The following HIPK3 variants were observed in gnomAD, a reference collection of about 807,000 sequenced individuals.
HIPK3 encodes the protein homeodomain interacting protein kinase 3.
HIPK3 carries 47 observed loss-of-function variants against 124.2 expected under a neutral mutation model. That is an observed-to-expected ratio of 0.38 (90% CI 0.30 to 0.48). HIPK3 has a LOEUF of 0.48. Among genes scored for constraint, HIPK3 ranks in the 20% least tolerant of loss-of-function variants. The pLI, the probability that HIPK3 is intolerant of heterozygous loss-of-function variation, is 0.98. For synonymous variants in HIPK3, 482 were observed against 515.2 expected (o/e 0.94, Z 0.87); for missense variants, 1,286 against 1,454.3 (o/e 0.88, Z 1.88).
intron 2 of HIPK3, among the ~76,000 whole-genome samples, chr11:33,325,141 A>C (rs1852773586): frequency 1.3e-5 from 2 of 152,236 alleles, no homozygotes; most frequent in African/African-American, 4.8e-5. Context: ...TGTCACCATC[A>C]GTTAGAAACT....
At chr11:33,329,769 A>T (rs1026351571) in intron 3 of HIPK3, among the ~76,000 whole-genome samples, 1 of 152,210 alleles carries the variant, frequency 6.6e-6, no homozygotes, top group South Asian at 2.1e-4. Flanking sequence ...TTTGATACAG[A>T]TGCAAGACTA....
At chr11:33,320,097 A>G (rs1051249796) in intron 2 of HIPK3, among the ~76,000 whole-genome samples, 4 of 152,236 alleles carry the variant, frequency 2.6e-5, no homozygotes, top group Non-Finnish European at 4.4e-5. Flanking sequence ...GGTTTGAAAC[A>G]GTAAGGAGAC....
intron 14 of HIPK3, among the ~76,000 whole-genome samples, chr11:33,350,875 G>C (rs1264236737): frequency 1.3e-5 from 2 of 151,874 alleles, no homozygotes; most frequent in South Asian, 4.1e-4. Flanking sequence ...CTTATAATAT[G>C]GTTTGAAAAT....
At chr11:33,261,575 C>T (rs916258951) in intron 1 of HIPK3, among the ~76,000 whole-genome samples, 1 of 152,134 alleles carries the variant, frequency 6.6e-6, no homozygotes, top group Non-Finnish European at 1.5e-5. Flanking sequence ...CATAGTATTC[C>T]ATGGTACATA....
intron 2 of HIPK3, among the ~76,000 whole-genome samples, chr11:33,327,463 A>G (rs545286938): frequency 3.9e-5 from 6 of 152,342 alleles, no homozygotes; most frequent in African/African-American, 1.4e-4. Context: ...ACTAGATGCA[A>G]TGCATGATCC....
chr11:33,328,099 T>C (rs1654409604), intron 2 of HIPK3, among the ~76,000 whole-genome samples: 1 of 152,184 alleles, frequency 6.6e-6, no homozygotes, highest in South Asian at 2.1e-4. Flanking sequence ...CTTTGAGGAT[T>C]TTGCTTTGTT....
intron 8 of HIPK3, among the ~76,000 whole-genome samples, chr11:33,345,502 A>G (rs1853465980): frequency 6.6e-6 from 1 of 152,180 alleles, no homozygotes; most frequent in Non-Finnish European, 1.5e-5. Context: ...GAGAGGGTAT[A>G]TAGGAGAATT....
chr11:33,328,528 G>T lies in HIPK3; in HGVS notation c.1116G>T (p.Leu372Phe), dbSNP rs1268721283. 6.2e-7 allele frequency: 1 copy of T among 1,613,240 alleles called. No individual in the cohort carries two copies. The highest frequency in any genetic ancestry group is 1.7e-4 in the Middle Eastern group (1 of 6,056). Residue 372 changes from leucine to phenylalanine, a missense_variant, in exon 3 of 17, where the codon TTG becomes TTT. By Grantham distance (22) the Leu-to-Phe change is conservative. Coordinates refer to ENST00000303296, the MANE Select transcript of HIPK3 (RefSeq NM_005734.5). ...ATTTCAGAGCTCCAGAGATTATATTGGGGTTGCCATTTTGTGAAGCCATAG... is the reference window on the plus strand; with the variant it reads ...ATTTCAGAGCTCCAGAGATTATATTTGGGTTGCCATTTTGTGAAGCCATAG... ...SRYYRAPEII[L>F]GLPFCEAIDM... is the part of the protein sequence containing the mutation.
chr11:33,343,423 G>A (rs1446317017), intron 8 of HIPK3, among the ~76,000 whole-genome samples: 13 of 151,818 alleles, frequency 8.6e-5, no homozygotes, highest in Admixed American at 8.5e-4. Context: ...GGGGTTACAG[G>A]TATGCACCAC....
In HIPK3 at chr11:33,349,232, C is replaced by G; in HGVS notation, c.2752C>G (p.Leu918Val). The G allele has an allele frequency of 6.2e-7, 1 of 1,613,818 alleles. No homozygotes were observed. Among genetic ancestry groups the G allele is most frequent in the South Asian group, 1.1e-5 (1 of 91,078 alleles). The change falls in exon 14 of 17, where the codon CTG becomes GTG. Residue 918 changes from leucine to valine, a missense_variant. By Grantham distance (32) the Leu-to-Val change is conservative. This residue lies in a region of HIPK3 where 810 missense variants were observed against 864.9 expected (regional missense o/e 0.94). Transcript: ENST00000303296. Reference sequence around the variant, plus strand: ...TTCATTAAGTAGTCCTGATAGTACTCTGAGTACCAGCTCCTCAGGGCAGTC... The same window carrying G: ...TTCATTAAGTAGTCCTGATAGTACTGTGAGTACCAGCTCCTCAGGGCAGTC... ...MCSLSSPDST[L>V]STSSSGQSSP...
chr11:33,321,849 G>A (rs1025232330), intron 2 of HIPK3, among the ~76,000 whole-genome samples: 2 of 152,038 alleles, frequency 1.3e-5, no homozygotes, highest in African/African-American at 4.8e-5. Context: ...TAAATTACTC[G>A]CTATTAGGGG....
At chr11:33,258,218 C>T (rs985456416) in intron 1 of HIPK3, 1 of 804,870 alleles carries the variant, frequency 1.2e-6, no homozygotes, top group Non-Finnish European at 1.5e-6. Flanking sequence ...CCCCCTCCCC[C>T]TGCCAAGGTT....
intron 2 of HIPK3, among the ~76,000 whole-genome samples, chr11:33,326,671 A>ATT (rs112986079): frequency 5.5e-5 from 8 of 144,356 alleles, no homozygotes; most frequent in African/African-American, 2.0e-4. Context: ...CAAATCTGGG[A>ATT]TTTTTTTTTT....
In HIPK3 at chr11:33,353,527, C is replaced by A. The variant is rs1413521757; in HGVS notation, c.3607C>A (p.Pro1203Thr). 6.2e-7 allele frequency: 1 copy of A among 1,613,542 alleles called. No homozygotes were observed. The highest frequency in any genetic ancestry group is 8.5e-7 in the Non-Finnish European group (1 of 1,179,594). ...IAASPAYTGF[P>T]LSPTKLSQYP... Reference sequence around the variant, plus strand: ...AGCATCACCTGCATATACTGGATTTCCACTGAGTCCAACAAAACTCAGCCA... The same window carrying A: ...AGCATCACCTGCATATACTGGATTTACACTGAGTCCAACAAAACTCAGCCA... Residue 1203 changes from proline (P) to threonine (T), a missense_variant, in exon 17 of 17, where the codon CCA (proline) becomes ACA (threonine). Physicochemically the swap from Pro to Thr is conservative, Grantham distance 38. This residue lies in a region of HIPK3 where 810 missense variants were observed against 864.9 expected (regional missense o/e 0.94). Transcript: ENST00000303296.
At chr11:33,337,727 G>A (rs984148744) in intron 4 of HIPK3, among the ~76,000 whole-genome samples, 9 of 151,916 alleles carry the variant, frequency 5.9e-5, no homozygotes, top group Admixed American at 2.0e-4. Context: ...AGGCTGGAGC[G>A]CAGTGGTGTA....
At chr11:33,348,876 A>G (rs1410285710) in intron 13 of HIPK3, 58 bp downstream of exon 13, 32 of 1,480,896 alleles carry the variant, frequency 2.2e-5, no homozygotes, top group Non-Finnish European at 2.7e-5. Flanking sequence ...GGTGTGCCGA[A>G]AAACAACTTT....
At chr11:33,341,207 G>T in intron 7 of HIPK3, 80 bp downstream of exon 7, 5 of 1,004,734 alleles carry the variant, frequency 5.0e-6, no homozygotes, top group Admixed American at 5.6e-5. Flanking sequence ...ACAGAAGTTT[G>T]GTGTCAGTTG....
Position 33,347,365 on chromosome 11 carries a change from A to T in HIPK3, c.1970A>T (p.Gln657Leu). 6.2e-7 allele frequency: 1 copy of T among 1,614,024 alleles called. No individual in the cohort carries two copies. The highest frequency in any genetic ancestry group is 8.5e-7 in the Non-Finnish European group (1 of 1,179,924). ...GATAATACAGTTCCACTTGTAACTCAGGCCCCAGCTGTGCAGCCACTACAG... is the reference window on the plus strand; with the variant it reads ...GATAATACAGTTCCACTTGTAACTCTGGCCCCAGCTGTGCAGCCACTACAG... ...RVDNTVPLVT[Q>L]APAVQPLQIR... Residue 657 changes from glutamine to leucine, a missense_variant, in exon 9 of 17, where the codon CAG (glutamine) becomes CTG (leucine). Gln to Leu is a moderately radical substitution (Grantham distance 113). Coordinates refer to ENST00000303296, the MANE Select transcript of HIPK3 (RefSeq NM_005734.5).
chr11:33,277,997 C>G (rs1851315150), intron 1 of HIPK3, among the ~76,000 whole-genome samples: 1 of 152,176 alleles, frequency 6.6e-6, no homozygotes, highest in African/African-American at 2.4e-5. Flanking sequence ...AATAACTTCT[C>G]TATGTCAGTG....
Sources: allele counts gnomAD v4.1 joint callset (sites outside exome capture counted in the v4.1 genomes callset), GRCh38; gene constraint gnomAD v4.1.1; regional missense constraint gnomAD v4.1.1; transcripts MANE v1.5; gene names NCBI Gene and HGNC (gene_info 2026-07-23, HGNC 2026-07-21).